Variants in SPATA17 observed in about 807,000 individuals in gnomAD.
The protein encoded by SPATA17 is spermatogenesis associated 17.
Under a neutral mutation model 62.2 loss-of-function variants are expected in SPATA17, and 53 were observed. The ratio of observed to expected loss-of-function variants is 0.85; its 90% CI spans 0.68 to 1.07. The LOEUF (loss-of-function observed/expected upper bound fraction) is 1.07. SPATA17 is among the 50% of genes least tolerant of loss of function. SPATA17 has a pLI of 0.00. For missense variants in SPATA17, 466 were observed against 425.5 expected (o/e 1.10, Z -0.84); for synonymous variants, 146 against 146.8 (o/e 0.99, Z 0.04).
At chr1:217,656,319 A>C (rs1187348053) in intron 3 of SPATA17, among the ~76,000 whole-genome samples, 1 of 152,208 alleles carries the variant, frequency 6.6e-6, no homozygotes, top group East Asian at 1.9e-4. Flanking sequence ...GAGTTCAAAT[A>C]ATAAGCCACC....
intron 4 of SPATA17, among the ~76,000 whole-genome samples, chr1:217,669,910 G>A (rs1344667586): frequency 6.6e-6 from 1 of 152,034 alleles, no homozygotes; most frequent in Non-Finnish European, 1.5e-5. Context: ...TCCTTTTCAG[G>A]TGAGCGTGCT....
chr1:217,631,368 G>A lies in SPATA17; in HGVS notation c.-11G>A. The stretch of plus-strand genomic sequence containing the variant: ...TAGTAACACCAGTTGTAAACCCAAG[G>A]CCAAGAGACCATGGCCACGTTAGCC... On this transcript the variant is annotated 5_prime_UTR_variant, in exon 1 of 11. Transcript: ENST00000366933. 1 of 1,614,108 alleles carries A rather than the reference G, an allele frequency of 6.2e-7. No individual in the cohort carries two copies. Among genetic ancestry groups the A allele is most frequent in the Non-Finnish European group, 8.5e-7 (1 of 1,180,014 alleles).
chr1:217,660,595 A>G (rs1036064713), intron 3 of SPATA17, among the ~76,000 whole-genome samples: 2 of 152,168 alleles, frequency 1.3e-5, no homozygotes, highest in African/African-American at 4.8e-5. Flanking sequence ...GGGCTTGTCT[A>G]TGTGTTGTGA....
intron 4 of SPATA17, among the ~76,000 whole-genome samples, chr1:217,670,290 A>C (rs1238617156): frequency 6.6e-6 from 1 of 152,154 alleles, no homozygotes. Context: ...ATGCCCATTT[A>C]GCTATTTCCA....
intron 9 of SPATA17, among the ~76,000 whole-genome samples, chr1:217,847,933 G>A (rs12042400): frequency 0.089 from 13,526 of 152,016 alleles, 683 homozygotes; most frequent in Admixed American, 0.15. Flanking sequence ...GTGGGAGGCC[G>A]ATGTGGGAGA....
intron 9 of SPATA17, among the ~76,000 whole-genome samples, chr1:217,861,104 C>T (rs6685853): frequency 0.012 from 1,846 of 152,108 alleles, 20 homozygotes; most frequent in African/African-American, 0.033. Flanking sequence ...TTCCTGATTC[C>T]TTCCTCCCAT....
chr1:217,678,636 T>C (rs1571725306), intron 4 of SPATA17, among the ~76,000 whole-genome samples: 1 of 152,336 alleles, frequency 6.6e-6, no homozygotes, highest in East Asian at 1.9e-4. Flanking sequence ...AGATGGCTTT[T>C]AATATATCAA....
intron 9 of SPATA17, among the ~76,000 whole-genome samples, chr1:217,803,678 T>A (rs1054916638): frequency 2.0e-5 from 3 of 152,148 alleles, no homozygotes; most frequent in African/African-American, 7.2e-5. Flanking sequence ...ACTGAGTCAA[T>A]ACAATCCCTA....
intron 3 of SPATA17, among the ~76,000 whole-genome samples, 155 bp from the exon 4 acceptor site, chr1:217,668,878 C>A (rs947446403): frequency 6.6e-6 from 1 of 152,098 alleles, no homozygotes; most frequent in African/African-American, 2.4e-5. Context: ...TATTAGGAAG[C>A]CTATCTCTTC....
chr1:217,661,510 G>C (rs1558556122), intron 3 of SPATA17, among the ~76,000 whole-genome samples: 1 of 152,146 alleles, frequency 6.6e-6, no homozygotes, highest in South Asian at 2.1e-4. Context: ...CTGCATTGCA[G>C]TGACTTCATT....
rs922390937 is a variant in SPATA17, at chr1:217,727,325, CAATT to C, written c.396-14647_396-14644del. On this transcript the variant is annotated intron_variant, in intron 5 of 10. Coordinates refer to ENST00000366933, the MANE Select transcript of SPATA17 (RefSeq NM_138796.4). ...TGTTATTCTTATACATGGCTCCTCT[CAATT>C]AAAACTATTTTATTTGGGCCCTTCA... Among the ~76,000 whole-genome samples the C allele has an allele frequency of 2.7e-5, 4 of 150,938 alleles. No individual in the cohort carries two copies. The South Asian group carries it at 6.2e-4, about 24-fold the overall frequency.
Position 217,870,179 on chromosome 1 carries a change from A to G in SPATA17, c.*3160A>G, listed in dbSNP as rs1330191654. ...GGCCCCTGACTGAACCCAGGTATGA[A>G]TGGCCTTCATTGATTTTGTAGACCC... On this transcript the variant is annotated 3_prime_UTR_variant, in exon 11 of 11. Coordinates refer to ENST00000366933, the MANE Select transcript of SPATA17 (RefSeq NM_138796.4). 1 of 152,100 alleles carries G rather than the reference A, an allele frequency of 6.6e-6. No individual in the cohort carries two copies. Among genetic ancestry groups the G allele is most frequent in the Non-Finnish European group, 1.5e-5 (1 of 68,020 alleles). The allele number at this position is 152,100 out of a possible 1,614,324, so 9.4% of individuals were successfully genotyped here. A position where few individuals can be genotyped will look rare whatever the true frequency, so the allele number is the denominator to read the frequency against.
At chr1:217,650,204 G>T (rs1399527853) in intron 2 of SPATA17, among the ~76,000 whole-genome samples, 1 of 152,042 alleles carries the variant, frequency 6.6e-6, no homozygotes, top group Non-Finnish European at 1.5e-5. Context: ...TTCCCAAAGT[G>T]CCGGGATAAC....
intron 6 of SPATA17, among the ~76,000 whole-genome samples, chr1:217,767,456 T>C (rs1673327458): frequency 6.6e-6 from 1 of 152,164 alleles, no homozygotes; most frequent in African/African-American, 2.4e-5. Flanking sequence ...ATATTTCTTC[T>C]GTCCCTTTCT....
At chr1:217,810,889 C>T (rs1558060600) in intron 9 of SPATA17, among the ~76,000 whole-genome samples, 1 of 152,032 alleles carries the variant, frequency 6.6e-6, no homozygotes, top group Non-Finnish European at 1.5e-5. Context: ...ATAGGGGAAA[C>T]CACCCCTATA....
intron 8 of SPATA17, among the ~76,000 whole-genome samples, chr1:217,786,465 T>TG (rs1349239088): frequency 6.6e-6 from 1 of 152,038 alleles, no homozygotes; most frequent in African/African-American, 2.4e-5. Flanking sequence ...GACAGAACAA[T>TG]GACAAGACCA....
In SPATA17 at chr1:217,690,136, C is replaced by T. The variant is rs540573546; in HGVS notation, c.395+6775C>T. ...CAGGCTGGTCTCAAACTCCTGACCT[C>T]GGGTTATCTACCCACCTTGGCCTAC... On this transcript the variant is annotated intron_variant, in intron 5 of 10. Transcript: ENST00000366933. Among the ~76,000 whole-genome samples the T allele has an allele frequency of 5.9e-5, 9 of 152,224 alleles. No individual in the cohort carries two copies. The South Asian group carries it at 1.0e-3, about 18-fold the overall frequency.
At position 217,638,840 on chromosome 1, in the gene SPATA17, A is replaced by G. The variant is rs531729777; in HGVS notation, c.68+7394A>G. ...AATTTTCCATTTAAAAATGTAATAG[A>G]TGAATTAAAAACTAGAATAGTCACT... On this transcript the variant is annotated intron_variant, in intron 1 of 10. Coordinates refer to ENST00000366933, the MANE Select transcript of SPATA17 (RefSeq NM_138796.4). 3.3e-5 allele frequency among the ~76,000 whole-genome samples: 5 copies of G among 152,300 alleles called. No homozygotes were observed. The South Asian group carries it at 1.0e-3, about 32-fold the overall frequency.
At chr1:217,649,926 G>GCTTCT (rs2102883058) in intron 2 of SPATA17, among the ~76,000 whole-genome samples, 1 of 147,734 alleles carries the variant, frequency 6.8e-6, no homozygotes, top group East Asian at 2.0e-4. Flanking sequence ...TGAAGACAAG[G>GCTTCT]CTTCTCTCTT....
Sources: allele counts gnomAD v4.1 joint callset (sites outside exome capture counted in the v4.1 genomes callset), GRCh38; gene constraint gnomAD v4.1.1; transcripts MANE v1.5; gene names NCBI Gene and HGNC (gene_info 2026-07-23, HGNC 2026-07-21).